The following HDX variants were observed in gnomAD, a reference collection of about 807,000 sequenced individuals.
HDX encodes the protein chromosome X open reading frame 43.
A neutral mutation model predicts 45.2 loss-of-function variants in HDX; 19 were observed. The observed-to-expected ratio is 0.42, with a 90% CI of 0.29 to 0.62. HDX has a LOEUF of 0.62. Ranked by LOEUF, HDX falls within the 20% of genes least tolerant of loss-of-function variation. The pLI is 0.20. For synonymous variants in HDX, 188 were observed against 172.8 expected (o/e 1.09, Z -0.69); for missense variants, 532 against 493.9 (o/e 1.08, Z -0.73).
intron 4 of HDX, among the ~76,000 whole-genome samples, chrX:84,461,827 A>G (rs1348344365): frequency 8.9e-6 from 1 of 112,411 alleles, no homozygotes; most frequent in African/African-American, 3.2e-5. Context: ...TAAGAAAAAA[A>G]TCTAACAATC....
chrX:84,389,326 C>G (rs1020176773), intron 5 of HDX, among the ~76,000 whole-genome samples: 1 of 111,977 alleles, frequency 8.9e-6, no homozygotes, highest in Non-Finnish European at 1.9e-5. Flanking sequence ...CCACCTCAGG[C>G]AGACACAGTG....
chrX:84,378,592 G>C (rs2038113887), intron 5 of HDX, among the ~76,000 whole-genome samples: 1 of 111,027 alleles, frequency 9.0e-6, no homozygotes, highest in Non-Finnish European at 1.9e-5. Flanking sequence ...TTAAAATAAT[G>C]GGTTACAAGA....
chrX:84,450,927 A>G (rs1349711683), intron 4 of HDX, among the ~76,000 whole-genome samples: 1 of 112,047 alleles, frequency 8.9e-6, no homozygotes, highest in Non-Finnish European at 1.9e-5. Flanking sequence ...TGGATATTAA[A>G]CAACATGCTT....
intron 6 of HDX, among the ~76,000 whole-genome samples, chrX:84,353,306 A>G (rs762577929): frequency 9.0e-6 from 1 of 111,345 alleles, no homozygotes; most frequent in African/African-American, 3.3e-5. Context: ...TTAACGTGTT[A>G]AAATCCTAAC....
At chrX:84,491,646 G>A (rs2040895595) in intron 1 of HDX, among the ~76,000 whole-genome samples, 1 of 111,305 alleles carries the variant, frequency 9.0e-6, no homozygotes, top group Non-Finnish European at 1.9e-5. Context: ...TGTAGTATTT[G>A]AATATGTTTG....
chrX:84,443,736 G>T (rs1332277864), intron 4 of HDX, among the ~76,000 whole-genome samples: 1 of 111,846 alleles, frequency 8.9e-6, no homozygotes, highest in African/African-American at 3.2e-5. Context: ...AGAATTATTT[G>T]TCACTACTGA....
intron 10 of HDX, among the ~76,000 whole-genome samples, chrX:84,322,561 A>G (rs1157833062): frequency 9.0e-6 from 1 of 110,768 alleles, no homozygotes; most frequent in Non-Finnish European, 1.9e-5. Context: ...TCCTAAGGCT[A>G]TGTTCATACC....
intron 5 of HDX, among the ~76,000 whole-genome samples, chrX:84,385,134 T>C (rs1157035079): frequency 1.9e-5 from 2 of 107,708 alleles, no homozygotes; most frequent in Non-Finnish European, 3.8e-5. Context: ...ATTTTAATGA[T>C]ATTGATTTTT....
intron 2 of HDX, among the ~76,000 whole-genome samples, chrX:84,487,242 G>A (rs1311630426): frequency 8.9e-6 from 1 of 111,940 alleles, no homozygotes; most frequent in South Asian, 3.7e-4. Flanking sequence ...CTTTTTCAAG[G>A]TGTTTATTTT....
intron 4 of HDX, among the ~76,000 whole-genome samples, chrX:84,453,647 A>G (rs1329799062): frequency 8.9e-6 from 1 of 111,913 alleles, no homozygotes; most frequent in African/African-American, 3.2e-5. Context: ...AGTCTATGTG[A>G]CAAGGATTGC....
chrX:84,364,459 C>T (rs2037692326), intron 5 of HDX, among the ~76,000 whole-genome samples: 1 of 100,983 alleles, frequency 9.9e-6, no homozygotes, highest in Non-Finnish European at 2.0e-5. Context: ...ATAGGCACAA[C>T]GTCGTACAGC....
intron 5 of HDX, among the ~76,000 whole-genome samples, chrX:84,383,673 A>C (rs2038240880): frequency 9.0e-6 from 1 of 111,003 alleles, no homozygotes; most frequent in African/African-American, 3.3e-5. Flanking sequence ...CACAATACTC[A>C]ATATGCAGTT....
intron 4 of HDX, among the ~76,000 whole-genome samples, chrX:84,460,360 A>G (rs147199823): frequency 0.013 from 1,505 of 112,436 alleles, 36 homozygotes; most frequent in African/African-American, 0.047. Context: ...AGTTGGATTT[A>G]TTGCAGAAAC....
intron 5 of HDX, among the ~76,000 whole-genome samples, chrX:84,415,942 C>A (rs1201229980): frequency 6.3e-5 from 7 of 111,922 alleles, no homozygotes; most frequent in African/African-American, 2.3e-4. Flanking sequence ...ATAACTAGGC[C>A]ACAATATTAT....
chrX:84,447,471 C>T (rs757543369), intron 4 of HDX, among the ~76,000 whole-genome samples: 84 of 111,289 alleles, frequency 7.5e-4, no homozygotes, highest in African/African-American at 2.5e-3. Context: ...ACCATGGATT[C>T]CTGCAATCTT....
Position 84,333,758 on chromosome X carries a change from C to A in HDX, c.1824+1G>T. On this transcript the variant is annotated splice_donor_variant, in intron 9 of 10. Coordinates refer to ENST00000373177, the MANE Select transcript of HDX (RefSeq NM_001177479.2). LOFTEE classifies it high-confidence loss of function. Reference sequence around the variant, plus strand: ...TAAATTCATAATTTAAAATTACCTACCTTATAATCCAAGAAAGAGTTTACT... The same window carrying A: ...TAAATTCATAATTTAAAATTACCTAACTTATAATCCAAGAAAGAGTTTACT... The A allele has an allele frequency of 1.2e-6, 1 of 847,927 alleles. No homozygotes were observed. Among genetic ancestry groups the A allele is most frequent in the Non-Finnish European group, 1.7e-6 (1 of 579,339 alleles). 69.9% of individuals were successfully genotyped at this position (847,927 alleles called of 1,213,427 possible).
chrX:84,367,673 A>G (rs770323356), intron 5 of HDX, among the ~76,000 whole-genome samples: 1 of 112,281 alleles, frequency 8.9e-6, no homozygotes, highest in African/African-American at 3.2e-5. Context: ...AGGCAGCCAT[A>G]AAAAAGGATG....
chrX:84,321,622 C>T lies in HDX; in HGVS notation c.*267G>A, dbSNP rs2036598947. On this transcript the variant is annotated 3_prime_UTR_variant, in exon 11 of 11. Transcript: ENST00000373177. ...GTTAGAAATTAGACATAATGAATTT[C>T]AGGGTTAAACTGCTGAAACTTAAAT... The T allele has an allele frequency of 6.0e-6, 1 of 167,257 alleles. No homozygotes were observed. The highest frequency in any genetic ancestry group is 3.0e-5 in the African/African-American group (1 of 32,811). 13.8% of individuals were successfully genotyped at this position (167,257 alleles called of 1,213,427 possible).
chrX:84,376,316 G>A (rs758924375), intron 5 of HDX, among the ~76,000 whole-genome samples: 2 of 112,082 alleles, frequency 1.8e-5, no homozygotes, highest in South Asian at 7.4e-4. Flanking sequence ...CTAGCCGTGG[G>A]GACTACAAGG....
Sources: gnomAD v4.1 joint callset for allele counts (sites outside exome capture counted in the v4.1 genomes callset) on GRCh38, gnomAD v4.1.1 for gene constraint, MANE v1.5 for transcripts, NCBI Gene and HGNC (gene_info 2026-07-23, HGNC 2026-07-21) for gene names.